CEP63: variants seen among roughly 807,000 people sequenced by gnomAD.
CEP63 encodes centrosomal protein 63.
A neutral mutation model predicts 89.1 loss-of-function variants in CEP63; 84 were observed. That is an observed-to-expected ratio of 0.94 (90% confidence interval 0.79 to 1.13). The LOEUF (loss-of-function observed/expected upper bound fraction) is 1.13, where lower values mean the gene tolerates loss of function less well. Ranked by LOEUF, CEP63 falls within the 50% of genes most tolerant of loss-of-function variation. The pLI is 0.00. For missense variants in CEP63, 838 were observed against 813.3 expected (o/e 1.03, Z -0.37); for synonymous variants, 267 against 272.5 (o/e 0.98, Z 0.20).
chr3:134,582,649 G>A (rs1023090573), intron 10 of CEP63, among the ~76,000 whole-genome samples: 1 of 152,178 alleles, frequency 6.6e-6, no homozygotes, highest in African/African-American at 2.4e-5. Flanking sequence ...ATGTGTGCAT[G>A]AGTCTTTATA....
chr3:134,735,776 C>A, the CEP63 span, among the ~76,000 whole-genome samples: 1 of 152,076 alleles, frequency 6.6e-6, no homozygotes, highest in African/African-American at 2.4e-5. Context: ...AACTTAAAAT[C>A]TATCAACTAA....
chr3:134,655,662 G>A, the CEP63 span, among the ~76,000 whole-genome samples: 1 of 152,002 alleles, frequency 6.6e-6, no homozygotes, highest in Admixed American at 6.6e-5. Flanking sequence ...TACCCTATAT[G>A]GCCATAACAT....
chr3:134,556,632 G>A (rs958551232), intron 12 of CEP63, among the ~76,000 whole-genome samples: 21 of 152,244 alleles, frequency 1.4e-4, no homozygotes, highest in Non-Finnish European at 2.4e-4. Context: ...GTGATTATCT[G>A]TTCATATTTA....
the CEP63 span, chr3:134,650,684 A>C: frequency 1.3e-5 from 10 of 747,546 alleles, no homozygotes; most frequent in East Asian, 3.0e-5. Flanking sequence ...ACTGCGGGGA[A>C]GCGACGGCAG....
chr3:134,659,623 C>A, the CEP63 span, among the ~76,000 whole-genome samples: 1 of 152,198 alleles, frequency 6.6e-6, no homozygotes, highest in Non-Finnish European at 1.5e-5. Context: ...GCCAGCCACT[C>A]GCAGGGCTTA....
At chr3:134,490,905 A>T (rs989903251) in intron 1 of CEP63, among the ~76,000 whole-genome samples, 1 of 152,164 alleles carries the variant, frequency 6.6e-6, no homozygotes, top group Admixed American at 6.5e-5. Flanking sequence ...CCTTAGGAGT[A>T]TGTAGAGATT....
the CEP63 span, among the ~76,000 whole-genome samples, chr3:134,779,371 G>C: frequency 6.6e-6 from 1 of 152,090 alleles, no homozygotes; most frequent in Non-Finnish European, 1.5e-5. Flanking sequence ...ATTTTACAAT[G>C]ATGGGCATTT....
the CEP63 span, among the ~76,000 whole-genome samples, chr3:134,754,750 T>C: frequency 3.2e-4 from 48 of 152,280 alleles, no homozygotes; most frequent in African/African-American, 1.1e-3. Context: ...CCCAAATGTA[T>C]GCCATACTTT....
chr3:134,592,848 T>C, the CEP63 span, among the ~76,000 whole-genome samples: 1 of 152,322 alleles, frequency 6.6e-6, no homozygotes, highest in Non-Finnish European at 1.5e-5. Context: ...CTTTTTCTTT[T>C]CATCTGCTCT....
chr3:134,771,558 G>A, the CEP63 span, among the ~76,000 whole-genome samples: 2 of 75,386 alleles, frequency 2.7e-5, no homozygotes, highest in East Asian at 9.0e-4. Flanking sequence ...AGATGATGTC[G>A]ATGTTGCTGT....
chr3:134,765,926 C>G, the CEP63 span, among the ~76,000 whole-genome samples: 7 of 152,304 alleles, frequency 4.6e-5, no homozygotes, highest in African/African-American at 1.7e-4. Context: ...GTGCCTGCAG[C>G]ACAGAATCAG....
At chr3:134,709,735 A>G in the CEP63 span, among the ~76,000 whole-genome samples, 1 of 152,242 alleles carries the variant, frequency 6.6e-6, no homozygotes, top group African/African-American at 2.4e-5. Flanking sequence ...CCATTTATAG[A>G]GACAGTCTGG....
At chr3:134,698,319 G>C in the CEP63 span, among the ~76,000 whole-genome samples, 5 of 152,202 alleles carry the variant, frequency 3.3e-5, no homozygotes, top group Admixed American at 3.3e-4. Context: ...GCTGGCAAAG[G>C]GGCATGCCAA....
chr3:134,604,756 A>G, the CEP63 span, among the ~76,000 whole-genome samples: 1 of 152,154 alleles, frequency 6.6e-6, no homozygotes, highest in African/African-American at 2.4e-5. Flanking sequence ...AGAAAAATTT[A>G]TCCCAAGCTG....
chr3:134,672,080 C>G, the CEP63 span, among the ~76,000 whole-genome samples: 3 of 152,132 alleles, frequency 2.0e-5, no homozygotes, highest in African/African-American at 4.8e-5. Flanking sequence ...ACTCTCCTAC[C>G]TCTCCAAGGA....
chr3:134,486,077 G>C lies in CEP63; in HGVS notation c.-151G>C, dbSNP rs918841858. The C allele has an allele frequency of 1.0e-6, 1 of 985,444 alleles. No individual in the cohort carries two copies. 61.0% of individuals were successfully genotyped at this position (985,444 alleles called of 1,614,324 possible). A position where few individuals can be genotyped will look rare whatever the true frequency, so the allele number is the denominator to read the frequency against. ...GGTGAGTTCATTTGCTCGCGTGCAG[G>C]GGAAGTCTGGAGAAGGCATTGTTTC... On this transcript the variant is annotated 5_prime_UTR_variant, in exon 1 of 15. Coordinates refer to ENST00000675561, the MANE Select transcript of CEP63 (RefSeq NM_001353108.3).
At chr3:134,506,952 A>G (rs940073545) in intron 2 of CEP63, among the ~76,000 whole-genome samples, 157 bp from the exon 3 acceptor site, 15 of 151,340 alleles carry the variant, frequency 9.9e-5, no homozygotes, top group African/African-American at 2.7e-4. Flanking sequence ...AAGCTCAGCA[A>G]TCCTATTCTT....
At chr3:134,744,339 T>A in the CEP63 span, among the ~76,000 whole-genome samples, 15 of 152,162 alleles carry the variant, frequency 9.9e-5, no homozygotes, top group African/African-American at 3.4e-4. Context: ...CACAGCCCAA[T>A]ATAGCCCCCT....
the CEP63 span, among the ~76,000 whole-genome samples, chr3:134,750,458 G>A: frequency 1.2e-4 from 18 of 152,320 alleles, no homozygotes; most frequent in African/African-American, 4.3e-4. Flanking sequence ...GCAGCTCATA[G>A]GATAGGATGG....
Sources: allele counts gnomAD v4.1 joint callset (sites outside exome capture counted in the v4.1 genomes callset), GRCh38; gene constraint gnomAD v4.1.1; transcripts MANE v1.5; gene names NCBI Gene and HGNC (gene_info 2026-07-23, HGNC 2026-07-21).